The following KCNIP2 variants were observed in gnomAD, a reference collection of about 807,000 sequenced individuals.
KCNIP2 encodes the protein potassium voltage-gated channel interacting protein 2.
In KCNIP2, 19 loss-of-function variants were observed where a neutral mutation model predicts 39.0. The observed-to-expected ratio is 0.49, with a 90% CI of 0.34 to 0.71. The LOEUF (loss-of-function observed/expected upper bound fraction) is 0.71, where lower values mean the gene tolerates loss of function less well. Among genes scored for constraint, KCNIP2 ranks in the 30% least tolerant of loss-of-function variants. The probability of loss-of-function intolerance (pLI) is 0.01; values close to 1 mark genes in which losing one functional copy is unlikely to be tolerated. For synonymous variants in KCNIP2, 111 were observed against 131.2 expected (o/e 0.85, Z 1.05); for missense variants, 261 against 346.0 (o/e 0.75, Z 1.95).
chr10:101,830,509 C>T, intron 2 of KCNIP2: 1 of 1,203,156 alleles, frequency 8.3e-7, no homozygotes, highest in Non-Finnish European at 1.1e-6. Context: ...AGCCTGGTCA[C>T]AATGGTCACA....
intron 1 of KCNIP2, among the ~76,000 whole-genome samples, chr10:101,833,546 T>C (rs2066059145): frequency 6.6e-6 from 1 of 152,076 alleles, no homozygotes; most frequent in Middle Eastern, 3.2e-3. Flanking sequence ...ATGGAGCTGG[T>C]ATATCCTCAG....
chr10:101,841,903 G>T (rs937390289), intron 1 of KCNIP2, among the ~76,000 whole-genome samples: 1 of 152,248 alleles, frequency 6.6e-6, no homozygotes, highest in Non-Finnish European at 1.5e-5. Flanking sequence ...GATGGGAACA[G>T]AATTCATGGA....
At chr10:101,839,514 G>C (rs1448900110) in intron 1 of KCNIP2, among the ~76,000 whole-genome samples, 1 of 152,032 alleles carries the variant, frequency 6.6e-6, no homozygotes, top group Non-Finnish European at 1.5e-5. Flanking sequence ...CATTGTGAGG[G>C]ACCTTGATGC....
Position 101,840,753 on chromosome 10 carries a change from ACCT to A in KCNIP2, c.73+2740_73+2742del, listed in dbSNP as rs1179770029. Among the ~76,000 whole-genome samples, 7 of 151,664 alleles carry A rather than the reference ACCT, an allele frequency of 4.6e-5. No individual in the cohort carries two copies. In the South Asian group the frequency reaches 6.3e-4, roughly 14 times the overall value. ...ACCCTACATTTAAGTGGTGAGAATG[ACCT>A]CCTAACTCTGGGCAAATCTTGTCCA... On this transcript the variant is annotated intron_variant, in intron 1 of 9. Coordinates refer to ENST00000356640, the MANE Select transcript of KCNIP2 (RefSeq NM_173191.3).
Position 101,826,672 on chromosome 10 carries a change from G to T in KCNIP2, c.*681C>A, listed in dbSNP as rs3209554. On this transcript the variant is annotated 3_prime_UTR_variant, in exon 10 of 10. Coordinates refer to ENST00000356640, the MANE Select transcript of KCNIP2 (RefSeq NM_173191.3). Reference sequence around the variant, plus strand: ...GCTCTCCATGGATACCGAGGAGGGTGTGGAAAATTTCTGGGGCATTTCTAA... The same window carrying T: ...GCTCTCCATGGATACCGAGGAGGGTTTGGAAAATTTCTGGGGCATTTCTAA... The T allele has an allele frequency of 0.2, 30,132 of 152,126 alleles. 3,348 individuals are homozygous for T. Among genetic ancestry groups the T allele is most frequent in the East Asian group, 0.52 (2,687 of 5,142 alleles). The allele number at this position is 152,126 out of a possible 1,614,324, so 9.4% of individuals were successfully genotyped here. A position where few individuals can be genotyped will look rare whatever the true frequency, so the allele number is the denominator to read the frequency against.
chr10:101,831,253 C>T (rs2065983050), intron 1 of KCNIP2, 86 bp from the exon 2 acceptor site: 1 of 1,058,122 alleles, frequency 9.5e-7, no homozygotes. Context: ...CACAAATCAA[C>T]CCCATCTGGG....
chr10:101,839,868 C>T, intron 1 of KCNIP2: 1 of 1,571,484 alleles, frequency 6.4e-7, no homozygotes, highest in Non-Finnish European at 8.6e-7. Context: ...GGCGTCTAAG[C>T]TCCACCCCCA....
At position 101,828,722 on chromosome 10, in the gene KCNIP2, G is replaced by C; in HGVS notation, c.349-26C>G. The C allele has an allele frequency of 6.2e-7, 1 of 1,614,078 alleles. No individual in the cohort carries two copies. The highest frequency in any genetic ancestry group is 8.5e-7 in the Non-Finnish European group (1 of 1,179,990). On this transcript the variant is annotated intron_variant, in intron 4 of 9. Coordinates refer to ENST00000356640, the MANE Select transcript of KCNIP2 (RefSeq NM_173191.3). This position sits in a 1 kb window ranked among gnomAD's most constrained non-coding sequence, Gnocchi z 6.6. ...CTGGAAGGAGAGGGCACCAGGCTGAGGGCAGAGACAAAATCCCCTTCCGTT... is the reference window on the plus strand; with the variant it reads ...CTGGAAGGAGAGGGCACCAGGCTGACGGCAGAGACAAAATCCCCTTCCGTT...
rs1377700601 is a variant in KCNIP2, at chr10:101,826,103, G to A, written c.*1250C>T. ...GGGCTCTCTGGGGGCTCTCCCCTCA[G>A]ATTCTGGCCAACTGGGAGGGTAAGC... On this transcript the variant is annotated 3_prime_UTR_variant, in exon 10 of 10. Coordinates refer to ENST00000356640, the MANE Select transcript of KCNIP2 (RefSeq NM_173191.3). The A allele has an allele frequency of 6.6e-6, 1 of 152,670 alleles. No individual in the cohort carries two copies. Among genetic ancestry groups the A allele is most frequent in the Non-Finnish European group, 1.5e-5 (1 of 68,070 alleles). The allele number at this position is 152,670 out of a possible 1,614,324, so 9.5% of individuals were successfully genotyped here. A position where few individuals can be genotyped will look rare whatever the true frequency, so the allele number is the denominator to read the frequency against.
chr10:101,837,529 C>A (rs1294609816), intron 1 of KCNIP2, among the ~76,000 whole-genome samples: 1 of 152,026 alleles, frequency 6.6e-6, no homozygotes, highest in Non-Finnish European at 1.5e-5. Flanking sequence ...ATTAGCCAGG[C>A]GTGATGGTGC....
Position 101,843,560 on chromosome 10 carries a change from GC to G in KCNIP2, c.8del (p.Gly3AlafsTer33), listed in dbSNP as rs1490957084. 2.6e-6 allele frequency: 4 copies of G among 1,535,366 alleles called. No homozygotes were observed. The highest frequency in any genetic ancestry group is 3.5e-6 in the Non-Finnish European group (4 of 1,141,948). On this transcript the variant is annotated frameshift_variant, in exon 1 of 10. Transcript: ENST00000356640. LOFTEE classifies it high-confidence loss of function. This position sits in a 1 kb window ranked among gnomAD's most constrained non-coding sequence, Gnocchi z 6.7. ...CGGACAAACTCTCCTTGCGGCCCTGGCCCCGCATGGCCCCCGGCGCCCCGCT... is the reference window on the plus strand; with the variant it reads ...CGGACAAACTCTCCTTGCGGCCCTGGCCCGCATGGCCCCCGGCGCCCCGCT... MRGQGRKESLSDS... is the reference protein window; with the variant it reads MRXQGRKESLSDS...
chr10:101,831,590 G>C (rs1202487435), intron 1 of KCNIP2, among the ~76,000 whole-genome samples: 2 of 152,096 alleles, frequency 1.3e-5, no homozygotes, highest in Non-Finnish European at 2.9e-5. Flanking sequence ...ACAGTGATGG[G>C]TGCCAGTGAC....
At chr10:101,836,352 G>A (rs1042636642) in intron 1 of KCNIP2, among the ~76,000 whole-genome samples, 2 of 140,400 alleles carry the variant, frequency 1.4e-5, no homozygotes, top group Non-Finnish European at 1.5e-5. Context: ...AGCGATTCTC[G>A]TGCCTCAGCC....
chr10:101,839,694 T>C, intron 1 of KCNIP2: 1 of 1,515,998 alleles, frequency 6.6e-7, no homozygotes, highest in African/African-American at 1.4e-5. Context: ...GCGGAGCTCC[T>C]AACCCACTTC....
Position 101,836,153 on chromosome 10 carries a change from A to G in KCNIP2, c.74-4986T>C, listed in dbSNP as rs374922918. ...GAGGTTGGCTGATCTGCAGTTCTAT[A>G]CAGCCACCACCGGGGGGCACGCGTC... On this transcript the variant is annotated intron_variant, in intron 1 of 9. Coordinates refer to ENST00000356640, the MANE Select transcript of KCNIP2 (RefSeq NM_173191.3). Among the ~76,000 whole-genome samples, 17 of 152,106 alleles carry G rather than the reference A, an allele frequency of 1.1e-4. No individual in the cohort carries two copies. In the East Asian group the frequency reaches 2.5e-3, roughly 22 times the overall value.
At chr10:101,830,495 C>T (rs2065935030) in intron 2 of KCNIP2, 1 of 1,247,654 alleles carries the variant, frequency 8.0e-7, no homozygotes, top group African/African-American at 1.6e-5. Context: ...CAGGCTCAGG[C>T]CTCAGCCTGG....
At chr10:101,836,168 G>A (rs1409822830) in intron 1 of KCNIP2, among the ~76,000 whole-genome samples, 2 of 152,278 alleles carry the variant, frequency 1.3e-5, no homozygotes, top group South Asian at 2.1e-4. Context: ...CACCACCGGG[G>A]GGCACGCGTC....
Position 101,843,427 on chromosome 10 carries a change from GGA to G in KCNIP2, c.73+67_73+68del. On this transcript the variant is annotated intron_variant, in intron 1 of 9. Transcript: ENST00000356640. The surrounding 1 kb of genome is among the most constrained non-coding windows in gnomAD (Gnocchi z 6.7). The stretch of plus-strand genomic sequence containing the variant: ...TGTGGGTGCGGGCCAGGCCGGGGTC[GGA>G]GAGGCGGAAGGGTCTGGAGGAATGG... 1 of 1,051,404 alleles carries G rather than the reference GGA, an allele frequency of 9.5e-7. No homozygotes were observed. Among genetic ancestry groups the G allele is most frequent in the East Asian group, 3.1e-5 (1 of 32,058 alleles). 65.1% of individuals were successfully genotyped at this position (1,051,404 alleles called of 1,614,324 possible).
chr10:101,829,093 C>T lies in KCNIP2; in HGVS notation c.330G>A (p.Leu110=). The T allele has an allele frequency of 6.2e-7, 1 of 1,614,108 alleles. No individual in the cohort carries two copies. Among genetic ancestry groups the T allele is most frequent in the Non-Finnish European group, 8.5e-7 (1 of 1,179,958 alleles). The change falls in exon 4 of 10, where the codon CTG becomes CTA. Residue 110 remains leucine, a synonymous_variant. Coordinates refer to ENST00000356640, the MANE Select transcript of KCNIP2 (RefSeq NM_173191.3). ...TKFTRKELQV[L]YRGFKNECPS... ...CACTCACGTTCTTGAAGCCCCGGTA[C>T]AGGACCTGCAACTCCTTGCGCGTGA...
Sources: gnomAD v4.1 joint callset for allele counts (sites outside exome capture counted in the v4.1 genomes callset) on GRCh38, gnomAD v4.1.1 for gene constraint, Gnocchi (gnomAD v3.1) non-coding constraint, MANE v1.5 for transcripts, NCBI Gene and HGNC (gene_info 2026-07-23, HGNC 2026-07-21) for gene names.